Variants in CNTNAP2 observed in about 807,000 individuals in gnomAD.
The protein encoded by CNTNAP2 is contactin-associated protein-like 2.
CNTNAP2 carries 98 observed loss-of-function variants against 155.2 expected under a neutral mutation model. The observed-to-expected ratio is 0.63, with a 90% CI of 0.54 to 0.75. CNTNAP2 has a LOEUF of 0.75. Among genes scored for constraint, CNTNAP2 ranks in the 30% least tolerant of loss-of-function variants. The pLI, the probability that CNTNAP2 is intolerant of heterozygous loss-of-function variation, is 0.00. For missense variants in CNTNAP2, 1,727 were observed against 1,688.1 expected (o/e 1.02, Z -0.40); for synonymous variants, 651 against 631.2 (o/e 1.03, Z -0.47).
rs1584762129 is a variant in CNTNAP2, at chr7:147,158,053, A to G, written c.1348+25544A>G. On this transcript the variant is annotated intron_variant, in intron 8 of 23. Coordinates refer to ENST00000361727, the MANE Select transcript of CNTNAP2 (RefSeq NM_014141.6). The stretch of plus-strand genomic sequence containing the variant: ...AATAAAAACACTCAGCTAAATGACA[A>G]TTTAATAAGGTGAAGTTTCATTTGC... Among the ~76,000 whole-genome samples the G allele has an allele frequency of 5.3e-5, 8 of 152,054 alleles. No homozygotes were observed. In the East Asian group the frequency reaches 1.2e-3, roughly 22 times the overall value.
chr7:146,834,369 G>A (rs555785512), intron 2 of CNTNAP2, among the ~76,000 whole-genome samples: 10 of 152,244 alleles, frequency 6.6e-5, no homozygotes, highest in African/African-American at 1.9e-4. Context: ...GAATGGACAC[G>A]TAGAATACAA....
chr7:148,289,375 T>C (rs73464191), intron 21 of CNTNAP2, among the ~76,000 whole-genome samples: 24,268 of 151,978 alleles, frequency 0.16, 2,448 homozygotes, highest in African/African-American at 0.28. Flanking sequence ...CAAGACTACA[T>C]GTCACTCGGA....
intron 1 of CNTNAP2, among the ~76,000 whole-genome samples, chr7:146,208,328 A>G: frequency 6.6e-6 from 1 of 152,248 alleles, no homozygotes; most frequent in East Asian, 1.9e-4. Context: ...CCTGTGAAAA[A>G]AAAAATTACT....
In CNTNAP2 at chr7:146,885,283, C is replaced by A. The variant is rs141899702; in HGVS notation, c.402+45379C>A. Among the ~76,000 whole-genome samples, 92 of 152,152 alleles carry A rather than the reference C, an allele frequency of 6.0e-4. 1 individual carries two copies. The highest frequency in any genetic ancestry group is 1.6e-3 in the Admixed American group (25 of 15,272). ...AACCTGCAGCTTACATCAAATAAATCTTTTATTTTTTGCATAAGAAAATTT... is the reference window on the plus strand; with the variant it reads ...AACCTGCAGCTTACATCAAATAAATATTTTATTTTTTGCATAAGAAAATTT... On this transcript the variant is annotated intron_variant, in intron 3 of 23. Coordinates refer to ENST00000361727, the MANE Select transcript of CNTNAP2 (RefSeq NM_014141.6).
At chr7:147,056,029 A>G (rs931660140) in intron 4 of CNTNAP2, among the ~76,000 whole-genome samples, 1 of 152,182 alleles carries the variant, frequency 6.6e-6, no homozygotes, top group Non-Finnish European at 1.5e-5. Context: ...GGCTCTACAT[A>G]AGATGTTTGC....
chr7:147,663,243 G>A (rs1418134616), intron 13 of CNTNAP2, among the ~76,000 whole-genome samples: 2 of 152,158 alleles, frequency 1.3e-5, no homozygotes, highest in African/African-American at 2.4e-5. Flanking sequence ...TGATCCACCC[G>A]CCTTGGCCTC....
chr7:147,839,360 T>C (rs952601389), intron 13 of CNTNAP2, among the ~76,000 whole-genome samples: 1 of 152,114 alleles, frequency 6.6e-6, no homozygotes, highest in African/African-American at 2.4e-5. Flanking sequence ...ATTCCAAAGA[T>C]TGTATTTTAA....
chr7:146,125,566 G>A (rs1407671159), intron 1 of CNTNAP2, among the ~76,000 whole-genome samples: 1 of 126,864 alleles, frequency 7.9e-6, no homozygotes, highest in East Asian at 2.2e-4. Flanking sequence ...ACAGAGCAGA[G>A]CGAGACTCCG....
At chr7:146,661,308 A>G (rs1464886048) in intron 1 of CNTNAP2, among the ~76,000 whole-genome samples, 3 of 151,898 alleles carry the variant, frequency 2.0e-5, no homozygotes, top group African/African-American at 7.3e-5. Context: ...TGGGTTCATT[A>G]AATCATACTT....
intron 1 of CNTNAP2, among the ~76,000 whole-genome samples, chr7:146,222,680 G>A (rs548712978): frequency 3.4e-5 from 5 of 144,954 alleles, no homozygotes; most frequent in South Asian, 4.4e-4. Flanking sequence ...TTTTTGAGAC[G>A]GAGTCTCGCT....
chr7:148,365,840 A>C (rs1203389723), intron 21 of CNTNAP2, among the ~76,000 whole-genome samples: 2 of 76,472 alleles, frequency 2.6e-5, no homozygotes, highest in Admixed American at 1.0e-4. Context: ...GCATGTATAC[A>C]TGCATGTGTA....
At chr7:146,134,022 G>C (rs1343721012) in intron 1 of CNTNAP2, among the ~76,000 whole-genome samples, 54 of 145,346 alleles carry the variant, frequency 3.7e-4, no homozygotes, top group South Asian at 3.7e-3. Context: ...CCATTTTCAC[G>C]ATATTGATTC....
At chr7:146,625,301 G>A (rs1477060112) in intron 1 of CNTNAP2, among the ~76,000 whole-genome samples, 2 of 151,798 alleles carry the variant, frequency 1.3e-5, no homozygotes, top group South Asian at 4.2e-4. Flanking sequence ...ACCTGAATCT[G>A]TTTTGAAGGG....
chr7:147,797,304 C>A (rs995380429), intron 13 of CNTNAP2, among the ~76,000 whole-genome samples: 1 of 152,034 alleles, frequency 6.6e-6, no homozygotes, highest in African/African-American at 2.4e-5. Flanking sequence ...AGAAAAAATT[C>A]TCAACTTAAC....
chr7:147,732,335 G>A (rs1324642606), intron 13 of CNTNAP2, among the ~76,000 whole-genome samples: 1 of 151,866 alleles, frequency 6.6e-6, no homozygotes, highest in Non-Finnish European at 1.5e-5. Context: ...ATGGTTTGCA[G>A]CTTCATCCAT....
intron 15 of CNTNAP2, among the ~76,000 whole-genome samples, chr7:147,988,830 T>C (rs1801665204): frequency 6.6e-6 from 1 of 152,220 alleles, no homozygotes; most frequent in Non-Finnish European, 1.5e-5. Context: ...GCCTATTGGA[T>C]CTAAACATCC....
At chr7:147,729,370 T>C (rs1796698675) in intron 13 of CNTNAP2, among the ~76,000 whole-genome samples, 1 of 151,504 alleles carries the variant, frequency 6.6e-6, no homozygotes, top group African/African-American at 2.4e-5. Flanking sequence ...ATCATATCTC[T>C]AACTTTAAGG....
At chr7:147,078,528 T>G (rs1013081621) in intron 4 of CNTNAP2, among the ~76,000 whole-genome samples, 1 of 152,108 alleles carries the variant, frequency 6.6e-6, no homozygotes, top group Non-Finnish European at 1.5e-5. Flanking sequence ...CAGATTTTTT[T>G]AAAGCTCTAT....
At chr7:146,868,358 T>C (rs1795243669) in intron 3 of CNTNAP2, among the ~76,000 whole-genome samples, 1 of 152,192 alleles carries the variant, frequency 6.6e-6, no homozygotes, top group South Asian at 2.1e-4. Context: ...ATATCTCTAT[T>C]CTGTTCCATT....
Sources: gnomAD v4.1 joint callset for allele counts (sites outside exome capture counted in the v4.1 genomes callset) on GRCh38, gnomAD v4.1.1 for gene constraint, MANE v1.5 for transcripts, NCBI Gene and HGNC (gene_info 2026-07-23, HGNC 2026-07-21) for gene names.